Variants in WDFY3 observed in about 807,000 individuals in gnomAD.
The protein encoded by WDFY3 is WD repeat and FYVE domain-containing protein 3.
In WDFY3, 66 loss-of-function variants were observed where a neutral mutation model predicts 409.6. The ratio of observed to expected loss-of-function variants is 0.16; its 90% CI spans 0.13 to 0.20. The LOEUF is 0.20. WDFY3 is among the 10% of genes least tolerant of loss of function. The probability of loss-of-function intolerance (pLI) is 1.00; values close to 1 mark genes in which losing one functional copy is unlikely to be tolerated. For missense variants in WDFY3, 3,031 were observed against 4,298.1 expected (o/e 0.71, Z 8.24); for synonymous variants, 1,521 against 1,537.1 (o/e 0.99, Z 0.25).
chr4:84,676,221 A>G (rs1331015248), intron 67 of WDFY3, among the ~76,000 whole-genome samples: 3 of 152,048 alleles, frequency 2.0e-5, no homozygotes, highest in Non-Finnish European at 2.9e-5. Context: ...TCCTCAAGGA[A>G]AAAAAAAGGG....
chr4:84,786,119 C>A lies in WDFY3; in HGVS notation c.3922G>T (p.Gly1308Trp), dbSNP rs2149515977. The A allele has an allele frequency of 6.2e-7, 1 of 1,603,102 alleles. No homozygotes were observed. Among genetic ancestry groups the A allele is most frequent in the South Asian group, 1.1e-5 (1 of 89,020 alleles). Reference sequence around the variant, plus strand: ...AATGACACAGGGGATGGCACCACCCCTTCGGATTTTGCATCTTTACCTTCA... The same window carrying A: ...AATGACACAGGGGATGGCACCACCCATTCGGATTTTGCATCTTTACCTTCA... Reference protein sequence around the residue: ...CMPCKDAKSEGVVPSPVSLVP... With the variant: ...CMPCKDAKSEWVVPSPVSLVP... Residue 1308 changes from glycine (G) to tryptophan (W), a missense_variant, in exon 24 of 68, where the codon GGG becomes TGG. By Grantham distance (184) the Gly-to-Trp change is radical. Transcript: ENST00000295888.
At chr4:84,766,143 C>T in intron 31 of WDFY3, 109 bp downstream of exon 31, 6 of 1,486,906 alleles carry the variant, frequency 4.0e-6, no homozygotes, top group Non-Finnish European at 3.6e-6. Context: ...CTATAAATTT[C>T]AGGGTTAAAA....
rs567027592 is a variant in WDFY3, at chr4:84,688,000, A to G, written c.9543+86T>C. 32 of 1,414,118 alleles carry G rather than the reference A, an allele frequency of 2.3e-5. No individual in the cohort carries two copies. The African/African-American group carries it at 3.5e-4, about 16-fold the overall frequency. The allele number at this position is 1,414,118 out of a possible 1,614,324, so 87.6% of individuals were successfully genotyped here. On this transcript the variant is annotated intron_variant, in intron 62 of 67. Coordinates refer to ENST00000295888, the MANE Select transcript of WDFY3 (RefSeq NM_014991.6). ...CCTCCTGAGCAGCTGCAACTCAGACATGTTCCCCTGAGCCCCACCATTTTT... is the reference window on the plus strand; with the variant it reads ...CCTCCTGAGCAGCTGCAACTCAGACGTGTTCCCCTGAGCCCCACCATTTTT...
intron 62 of WDFY3, 58 bp downstream of exon 62, chr4:84,688,028 T>C (rs1485566632): frequency 1.0e-5 from 16 of 1,544,278 alleles, no homozygotes; most frequent in Admixed American, 5.4e-5. Context: ...CCATTTTTAA[T>C]TGAGTTTGGC....
At chr4:84,720,272 G>C (rs1422108680) in intron 47 of WDFY3, among the ~76,000 whole-genome samples, 1 of 152,130 alleles carries the variant, frequency 6.6e-6, no homozygotes, top group Non-Finnish European at 1.5e-5. Flanking sequence ...TAGAGGAAGG[G>C]TATGCAACCA....
At chr4:84,899,009 T>C (rs1253723765) in intron 2 of WDFY3, among the ~76,000 whole-genome samples, 7 of 152,202 alleles carry the variant, frequency 4.6e-5, no homozygotes, top group Admixed American at 2.0e-4. Flanking sequence ...TGAAACAAAG[T>C]CTTCTAAAGA....
Position 84,721,549 on chromosome 4 carries a change from G to A in WDFY3, c.7465C>T (p.Arg2489Cys), listed in dbSNP as rs937940780. ...CCTCCATCAGGTGCAGATCGGGAGC[G>A]TTTTAGAGGAGGCTTGACCAAACCT... Reference protein sequence around the residue: ...VKGLVKPPLKRSRSAPDGGDE... With the variant: ...VKGLVKPPLKCSRSAPDGGDE... Residue 2489 changes from arginine to cysteine, a missense_variant, in exon 47 of 68, where the codon CGC becomes TGC. By Grantham distance (180) the Arg-to-Cys change is radical (BLOSUM62 -3). This residue lies in a region of WDFY3 where 127 missense variants were observed against 144.4 expected (regional missense o/e 0.88). Transcript: ENST00000295888. The A allele has an allele frequency of 1.2e-5, 19 of 1,608,062 alleles. No individual in the cohort carries two copies. Among genetic ancestry groups the A allele is most frequent in the Admixed American group, 1.7e-5 (1 of 60,014 alleles).
chr4:84,694,506 A>G (rs1219417332), intron 58 of WDFY3, among the ~76,000 whole-genome samples: 1 of 152,256 alleles, frequency 6.6e-6, no homozygotes, highest in Non-Finnish European at 1.5e-5. Context: ...TGTTCAGAAT[A>G]TGTATTTCCC....
intron 3 of WDFY3, among the ~76,000 whole-genome samples, chr4:84,868,170 T>TC (rs1560963205): frequency 7.1e-5 from 3 of 42,054 alleles, no homozygotes; most frequent in Non-Finnish European, 1.1e-4. Flanking sequence ...AGACTCTGTC[T>TC]CAAAAAAAAA....
chr4:84,742,202 C>T (rs1738554011), intron 37 of WDFY3, among the ~76,000 whole-genome samples: 1 of 152,174 alleles, frequency 6.6e-6, no homozygotes. Context: ...TCAACATAAA[C>T]TGTCAGTCAC....
At chr4:84,766,675 A>G (rs1743703485) in intron 30 of WDFY3, among the ~76,000 whole-genome samples, 1 of 152,226 alleles carries the variant, frequency 6.6e-6, no homozygotes, top group Non-Finnish European at 1.5e-5. Context: ...GGACCATGTG[A>G]ATAAAAATAA....
chr4:84,724,583 T>C lies in WDFY3; in HGVS notation c.7284A>G (p.Arg2428=), dbSNP rs1230476430. The change falls in exon 46 of 68, where the codon CGA becomes CGG. Residue 2428 remains arginine, a synonymous_variant. Transcript: ENST00000295888. ...PDDIPQKKPA[R]YRRAVSYDSK... ...TGTCATAACTTACGGCTCTTCTATATCGAGCAGGTTTCTAAGAAATGACAA... is the reference window on the plus strand; with the variant it reads ...TGTCATAACTTACGGCTCTTCTATACCGAGCAGGTTTCTAAGAAATGACAA... 6.2e-7 allele frequency: 1 copy of C among 1,606,034 alleles called. No homozygotes were observed. Among genetic ancestry groups the C allele is most frequent in the Non-Finnish European group, 8.5e-7 (1 of 1,177,784 alleles).
intron 2 of WDFY3, among the ~76,000 whole-genome samples, chr4:84,897,303 G>T (rs553775276): frequency 1.6e-4 from 25 of 152,164 alleles, no homozygotes; most frequent in Non-Finnish European, 3.4e-4. Context: ...AAATCATATG[G>T]TATGGAGGTC....
chr4:84,696,862 GAATGGGATA>G (rs1209558874), intron 56 of WDFY3, 39 bp from the exon 57 acceptor site: 2 of 1,548,322 alleles, frequency 1.3e-6, no homozygotes, highest in Non-Finnish European at 1.8e-6. Flanking sequence ...AAAAAAGAAA[GAATGGGATA>G]AATGGTAACT....
chr4:84,913,045 G>A (rs1441788763), intron 2 of WDFY3, among the ~76,000 whole-genome samples: 1 of 152,166 alleles, frequency 6.6e-6, no homozygotes. Context: ...GCCAGTAAGA[G>A]ACTGCCTTTT....
At chr4:84,699,571 G>T (rs1730742097) in intron 56 of WDFY3, among the ~76,000 whole-genome samples, 4 of 152,090 alleles carry the variant, frequency 2.6e-5, no homozygotes. Context: ...ATATACCAAG[G>T]AGTGGAACTG....
intron 13 of WDFY3, 179 bp from the exon 14 acceptor site, chr4:84,810,523 A>T (rs1158714092): frequency 5.8e-6 from 3 of 519,704 alleles, no homozygotes; most frequent in African/African-American, 2.0e-5. Flanking sequence ...AGCCACATTA[A>T]ATGCTGAAGG....
chr4:84,729,228 T>C (rs901617891), intron 44 of WDFY3, among the ~76,000 whole-genome samples: 1 of 151,944 alleles, frequency 6.6e-6, no homozygotes, highest in Non-Finnish European at 1.5e-5. Context: ...TATTTAAATA[T>C]AATTTTTTTT....
In WDFY3 at chr4:84,671,428, A is replaced by G. The variant is rs894105214; in HGVS notation, c.*1440T>C. 1 of 152,066 alleles carries G rather than the reference A, an allele frequency of 6.6e-6. No homozygotes were observed. Among genetic ancestry groups the G allele is most frequent in the Non-Finnish European group, 1.5e-5 (1 of 67,926 alleles). The allele number at this position is 152,066 out of a possible 1,614,324, so 9.4% of individuals were successfully genotyped here. On this transcript the variant is annotated 3_prime_UTR_variant, in exon 68 of 68. Transcript: ENST00000295888. The stretch of plus-strand genomic sequence containing the variant: ...TCACAGGGCTTTTAGAATTGTTCAT[A>G]ATGTTATCACTAAGTTTCTGAAAAT...
Sources: gnomAD v4.1 joint callset for allele counts (sites outside exome capture counted in the v4.1 genomes callset) on GRCh38, gnomAD v4.1.1 for gene constraint, gnomAD v4.1.1 regional missense constraint, MANE v1.5 for transcripts, NCBI Gene and HGNC (gene_info 2026-07-23, HGNC 2026-07-21) for gene names.